Variants in RAB38 observed in about 807,000 individuals in gnomAD.
RAB38 encodes the protein RAB38, member RAS oncogene family.
In RAB38, 15 loss-of-function variants were observed where a neutral mutation model predicts 18.4. The observed-to-expected ratio is 0.82, with a 90% CI of 0.55 to 1.26. RAB38 has a LOEUF of 1.26. RAB38 is among the 50% of genes most tolerant of loss of function. RAB38 has a pLI of 0.00. For missense variants in RAB38, 294 were observed against 267.4 expected (o/e 1.10, Z -0.69); for synonymous variants, 101 against 104.4 (o/e 0.97, Z 0.20).
At chr11:87,900,733 AGAGG>A in the RAB38 span, among the ~76,000 whole-genome samples, 10 of 149,236 alleles carry the variant, frequency 6.7e-5, no homozygotes, top group Non-Finnish European at 1.2e-4. Flanking sequence ...GGAAGAAGGA[AGAGG>A]GAGGGAGGGA....
At chr11:88,033,820 C>A in the RAB38 span, among the ~76,000 whole-genome samples, 1 of 150,890 alleles carries the variant, frequency 6.6e-6, no homozygotes, top group African/African-American at 2.4e-5. Context: ...CTCCGCCTCC[C>A]GGGTTCATGC....
At chr11:88,053,003 A>AAT in the RAB38 span, among the ~76,000 whole-genome samples, 7 of 83,598 alleles carry the variant, frequency 8.4e-5, no homozygotes, top group African/African-American at 3.0e-4. Context: ...GTGTATATAT[A>AAT]ATATATATAC....
the RAB38 span, among the ~76,000 whole-genome samples, chr11:88,031,732 A>C: frequency 1.3e-5 from 2 of 151,880 alleles, no homozygotes; most frequent in African/African-American, 4.8e-5. Context: ...ATAAAAGAGG[A>C]TACAAACAAA....
intron 1 of RAB38, among the ~76,000 whole-genome samples, chr11:88,156,910 T>C (rs1943134391): frequency 6.6e-6 from 1 of 152,196 alleles, no homozygotes; most frequent in African/African-American, 2.4e-5. Flanking sequence ...CCACAGGCCC[T>C]ATAAAGCAAC....
the RAB38 span, among the ~76,000 whole-genome samples, chr11:87,949,202 G>A: frequency 1.7e-3 from 264 of 152,186 alleles, 1 homozygote; most frequent in African/African-American, 5.0e-3. Context: ...ATTCTCTGAC[G>A]GTAGTTTGTA....
the RAB38 span, among the ~76,000 whole-genome samples, chr11:88,038,827 G>A: frequency 2.6e-5 from 4 of 152,032 alleles, no homozygotes; most frequent in Admixed American, 6.6e-5. Context: ...GCTTTTTGGG[G>A]GATGAAACTT....
chr11:88,152,765 A>C (rs989315532), intron 1 of RAB38, among the ~76,000 whole-genome samples: 1 of 152,224 alleles, frequency 6.6e-6, no homozygotes, highest in African/African-American at 2.4e-5. Context: ...TTTTTAAAAA[A>C]ATGACTATAA....
chr11:87,858,037 T>G, the RAB38 span, among the ~76,000 whole-genome samples: 1 of 152,210 alleles, frequency 6.6e-6, no homozygotes, highest in South Asian at 2.1e-4. Context: ...AATTATTTTT[T>G]GTATACGGTG....
At chr11:87,914,600 GAA>G in the RAB38 span, among the ~76,000 whole-genome samples, 1 of 152,120 alleles carries the variant, frequency 6.6e-6, no homozygotes, top group Non-Finnish European at 1.5e-5. Context: ...GGTAGAGAAT[GAA>G]AAAGTGTTTT....
the RAB38 span, among the ~76,000 whole-genome samples, chr11:88,030,356 G>T: frequency 6.6e-6 from 1 of 152,246 alleles, no homozygotes; most frequent in Admixed American, 6.5e-5. Flanking sequence ...AAAACTAGCA[G>T]AAGGCAAGAA....
the RAB38 span, among the ~76,000 whole-genome samples, chr11:87,902,065 T>C: frequency 1.3e-5 from 2 of 151,486 alleles, no homozygotes; most frequent in Admixed American, 6.6e-5. Context: ...CTGTTTGATA[T>C]TGTCTTACTT....
At chr11:87,923,347 T>C in the RAB38 span, among the ~76,000 whole-genome samples, 2 of 151,924 alleles carry the variant, frequency 1.3e-5, no homozygotes, top group South Asian at 2.1e-4. Flanking sequence ...TTTCCTACTT[T>C]TTAGAGAATT....
At chr11:88,026,950 AT>A in the RAB38 span, among the ~76,000 whole-genome samples, 1 of 152,110 alleles carries the variant, frequency 6.6e-6, no homozygotes, top group Non-Finnish European at 1.5e-5. Context: ...CTGGATACTC[AT>A]TTTTCAGTTC....
chr11:87,976,465 T>C, the RAB38 span, among the ~76,000 whole-genome samples: 3 of 134,256 alleles, frequency 2.2e-5, no homozygotes, highest in East Asian at 6.7e-4. Flanking sequence ...ATATATATAT[T>C]TTACATATAG....
intron 2 of RAB38, among the ~76,000 whole-genome samples, chr11:88,129,321 A>G (rs1942740306): frequency 2.0e-5 from 3 of 152,164 alleles, no homozygotes. Flanking sequence ...GAGAGAAAAT[A>G]AAAAGGAATA....
rs146548615 is a variant in RAB38, at chr11:88,163,076, A to G, written c.202+12107T>C. 2.9e-3 allele frequency among the ~76,000 whole-genome samples: 444 copies of G among 152,160 alleles called. 2 individuals are homozygous for G. The highest frequency in any genetic ancestry group is 9.7e-3 in the African/African-American group (403 of 41,530). ...GACTAACTGGATCATTCGCTCAACC[A>G]TTTGATCAGGCCCTGCCTTGTACTG... is the stretch of plus-strand genomic sequence containing the variant. On this transcript the variant is annotated intron_variant, in intron 1 of 2. Coordinates refer to ENST00000243662, the MANE Select transcript of RAB38 (RefSeq NM_022337.3).
the RAB38 span, among the ~76,000 whole-genome samples, chr11:87,830,307 C>T: frequency 0.025 from 3,785 of 151,964 alleles, 90 homozygotes; most frequent in African/African-American, 0.064. Context: ...TAGTGTAACC[C>T]CCCATCTCTA....
chr11:88,167,829 T>G (rs543622177), intron 1 of RAB38: 6 of 152,158 alleles, frequency 3.9e-5, no homozygotes, highest in Non-Finnish European at 8.8e-5. Context: ...TTCACCATCC[T>G]AGAAGATAAG....
the RAB38 span, among the ~76,000 whole-genome samples, chr11:88,019,842 T>G: frequency 6.6e-6 from 1 of 152,168 alleles, no homozygotes; most frequent in South Asian, 2.1e-4. Flanking sequence ...AAATATCACC[T>G]CAATTTTCTC....
Sources: gnomAD v4.1 joint callset for allele counts (sites outside exome capture counted in the v4.1 genomes callset) on GRCh38, gnomAD v4.1.1 for gene constraint, MANE v1.5 for transcripts, NCBI Gene and HGNC (gene_info 2026-07-23, HGNC 2026-07-21) for gene names.